Variants in RASAL1 observed in about 807,000 individuals in gnomAD.
RASAL1 encodes rasGAP-activating-like protein 1.
Under a neutral mutation model 96.6 loss-of-function variants are expected in RASAL1, and 72 were observed. The ratio of observed to expected loss-of-function variants is 0.75; its 90% CI spans 0.62 to 0.91. The LOEUF (loss-of-function observed/expected upper bound fraction) is 0.91. Among genes scored for constraint, RASAL1 ranks in the 40% least tolerant of loss-of-function variants. The probability of loss-of-function intolerance (pLI) is 0.00; values close to 1 mark genes in which losing one functional copy is unlikely to be tolerated. For synonymous variants in RASAL1, 405 were observed against 430.4 expected (o/e 0.94, Z 0.73); for missense variants, 1,016 against 1,072.5 (o/e 0.95, Z 0.74).
At chr12:113,116,957 G>A (rs1407257856) in intron 8 of RASAL1, 116 bp downstream of exon 8, 10 of 735,924 alleles carry the variant, frequency 1.4e-5, no homozygotes, top group Non-Finnish European at 2.1e-5. Flanking sequence ...TTAAATGGAT[G>A]AATGCATGAA....
At position 113,101,927 on chromosome 12, in the gene RASAL1, T is replaced by A. The variant is rs373647174; in HGVS notation, c.2187A>T (p.Thr729=). The A allele has an allele frequency of 6.8e-5, 109 of 1,613,948 alleles. No homozygotes were observed. Among genetic ancestry groups the A allele is most frequent in the Non-Finnish European group, 8.9e-5 (105 of 1,179,992 alleles). The stretch of plus-strand genomic sequence containing the variant: ...GCCCCAGGAGCAGCTGCCGATACAC[T>A]GTCTGGGCCTCAGCATCAGGATCCA... ...DPLDPDAEAQ[T]VYRQLLLGRD... The change falls in exon 19 of 21, where the codon ACA becomes ACT. Residue 729 remains threonine, a synonymous_variant. Transcript: ENST00000548055.
At chr12:113,118,654 G>T (rs865942818) in intron 7 of RASAL1, among the ~76,000 whole-genome samples, 4 of 152,158 alleles carry the variant, frequency 2.6e-5, no homozygotes, top group African/African-American at 9.7e-5. Flanking sequence ...AGTTAAGGGC[G>T]TTAAGTCTGG....
At chr12:113,101,565 C>T (rs985927998) in intron 19 of RASAL1, among the ~76,000 whole-genome samples, 1 of 152,156 alleles carries the variant, frequency 6.6e-6, no homozygotes, top group Non-Finnish European at 1.5e-5. Flanking sequence ...GATAGTGATC[C>T]TCATGCCAGG....
chr12:113,102,149 C>T (rs1950472170), intron 18 of RASAL1, 140 bp from the exon 19 acceptor site: 1 of 1,053,792 alleles, frequency 9.5e-7, no homozygotes, highest in Non-Finnish European at 1.4e-6. Context: ...CACACGGTGG[C>T]TCATGCCTGT....
rs910730024 is a variant in RASAL1, at chr12:113,130,729, C to T, written c.122+156G>A. On this transcript the variant is annotated intron_variant, in intron 2 of 20. Transcript: ENST00000548055. This position sits in a 1 kb window ranked among gnomAD's most constrained non-coding sequence, Gnocchi z 5.1. The stretch of plus-strand genomic sequence containing the variant: ...AGGCAGGGCTGGTCGGGGAGAGGAG[C>T]TGGCAGTCCCAGCTGGACACAAATC... Among the ~76,000 whole-genome samples the T allele has an allele frequency of 6.6e-6, 1 of 152,192 alleles. No individual in the cohort carries two copies. The highest frequency in any genetic ancestry group is 2.4e-5 in the African/African-American group (1 of 41,452).
intron 4 of RASAL1, among the ~76,000 whole-genome samples, chr12:113,123,310 T>A (rs944525215): frequency 1.3e-5 from 2 of 152,204 alleles, no homozygotes; most frequent in African/African-American, 4.8e-5. Context: ...TGTTTGCTGA[T>A]CTTTGATTGT....
intron 18 of RASAL1, among the ~76,000 whole-genome samples, chr12:113,103,293 AATAACAATGT>A (rs973757939): frequency 2.0e-5 from 3 of 151,342 alleles, no homozygotes; most frequent in Admixed American, 2.0e-4. Flanking sequence ...ATACATTGTT[AATAACAATGT>A]ATAACATTGT....
intron 18 of RASAL1, among the ~76,000 whole-genome samples, chr12:113,102,569 A>C (rs558936829): frequency 4.3e-4 from 65 of 152,066 alleles, no homozygotes; most frequent in African/African-American, 1.5e-3. Context: ...CACACACACA[A>C]AAATATTAGC....
rs1296148515 is a variant in RASAL1, at chr12:113,130,185, C to T, written c.122+700G>A. On this transcript the variant is annotated intron_variant, in intron 2 of 20. Transcript: ENST00000548055. The surrounding 1 kb of genome is among the most constrained non-coding windows in gnomAD (Gnocchi z 5.1). ...CAGGCCTCCAGGGGCTGAGAGCTGTCCCTCGGCCTGCGGGGGTGGGAGCCA... is the reference window on the plus strand; with the variant it reads ...CAGGCCTCCAGGGGCTGAGAGCTGTTCCTCGGCCTGCGGGGGTGGGAGCCA... Among the ~76,000 whole-genome samples the T allele has an allele frequency of 6.6e-6, 1 of 152,184 alleles. No homozygotes were observed. Among genetic ancestry groups the T allele is most frequent in the Non-Finnish European group, 1.5e-5 (1 of 68,014 alleles).
intron 7 of RASAL1, among the ~76,000 whole-genome samples, chr12:113,118,272 C>T (rs968540461): frequency 2.6e-5 from 4 of 152,102 alleles, no homozygotes; most frequent in African/African-American, 7.2e-5. Context: ...CTACAGCATA[C>T]AGTATGTCAT....
rs377439712 is a variant in RASAL1, at chr12:113,101,966, G to A, written c.2148C>T (p.Asp716=). The A allele has an allele frequency of 2.5e-6, 4 of 1,614,036 alleles. No homozygotes were observed. The highest frequency in any genetic ancestry group is 3.4e-6 in the Non-Finnish European group (4 of 1,180,022). The change falls in exon 19 of 21, where the codon GAC becomes GAT. Residue 716 remains aspartate, a synonymous_variant. Transcript: ENST00000548055. ...SRTHSAVTLG[D]WSDPLDPDAE... ...CATCAGGATCCAGTGGGTCACTCCA[G>A]TCCCCCAGGGTGACAGCTGAGTGTG... is the stretch of plus-strand genomic sequence containing the variant.
At chr12:113,100,095 G>A (rs1306110398) in intron 20 of RASAL1, 27 bp from the exon 21 acceptor site, 9 of 1,567,528 alleles carry the variant, frequency 5.7e-6, no homozygotes, top group Non-Finnish European at 6.1e-6. Flanking sequence ...AGGCCACAGG[G>A]GCTCAGCCAG....
rs921717009 is a variant in RASAL1 at position 113,128,038 on chromosome 12, C to T, written c.236+27G>A. 15 of 1,608,556 alleles carry T rather than the reference C, an allele frequency of 9.3e-6. No individual in the cohort carries two copies. In the African/African-American group the frequency reaches 1.9e-4, roughly 20 times the overall value. On this transcript the variant is annotated intron_variant, in intron 3 of 20. Coordinates refer to ENST00000548055, the MANE Select transcript of RASAL1 (RefSeq NM_001301202.2). ...TGCCCAGGCTTGGGTCCCTAACCCACACATTCCACTTTCCCCAACCACAAA... is the reference window on the plus strand; with the variant it reads ...TGCCCAGGCTTGGGTCCCTAACCCATACATTCCACTTTCCCCAACCACAAA...
At chr12:113,118,553 CTATCTT>C (rs1951171913) in intron 7 of RASAL1, among the ~76,000 whole-genome samples, 1 of 152,178 alleles carries the variant, frequency 6.6e-6, no homozygotes, top group Non-Finnish European at 1.5e-5. Context: ...TAGAGTAACT[CTATCTT>C]TAACTATTTG....
At position 113,100,628 on chromosome 12, in the gene RASAL1, C is replaced by T; in HGVS notation, c.2278G>A (p.Gly760Arg). The change falls in exon 20 of 21, where the codon GGG becomes AGG. Residue 760 changes from glycine to arginine, a missense_variant and splice_region_variant. Gly to Arg is a moderately radical substitution (Grantham distance 125, BLOSUM62 -2). Transcript: ENST00000548055. ...CCTTCTGAGGTACAGGAGCCCTTAC[C>T]TGTGTCTGCCTCCAGAGTTGTATCC... is the stretch of plus-strand genomic sequence containing the variant. Reference protein sequence around the residue: ...NMDTTLEADTGACPEVLARQR... With the variant: ...NMDTTLEADTRACPEVLARQR... 1 of 1,608,834 alleles carries T rather than the reference C, an allele frequency of 6.2e-7. No homozygotes were observed. The highest frequency in any genetic ancestry group is 8.5e-7 in the Non-Finnish European group (1 of 1,175,820).
chr12:113,106,134 G>A (rs1396745400), intron 15 of RASAL1, among the ~76,000 whole-genome samples: 2 of 152,182 alleles, frequency 1.3e-5, no homozygotes, highest in East Asian at 1.9e-4. Context: ...TCTGCAGACA[G>A]TATGCAGGCA....
rs918744250 is a variant in RASAL1, at chr12:113,135,657, G to T, written c.-195C>A. The stretch of plus-strand genomic sequence containing the variant: ...GTAGGTGCCCGGGGAGGGAGCGCCC[G>T]TCCGGACTCTACAGGTAGGAGCCGT... On this transcript the variant is annotated 5_prime_UTR_variant, in exon 1 of 21. Coordinates refer to ENST00000548055, the MANE Select transcript of RASAL1 (RefSeq NM_001301202.2). This position sits in a 1 kb window ranked among gnomAD's most constrained non-coding sequence, Gnocchi z 5.7. The T allele has an allele frequency of 2.6e-5, 15 of 579,214 alleles. No individual in the cohort carries two copies. Among genetic ancestry groups the T allele is most frequent in the African/African-American group, 2.4e-4 (13 of 53,252 alleles). The allele number at this position is 579,214 out of a possible 1,614,324, so 35.9% of individuals were successfully genotyped here. A position where few individuals can be genotyped will look rare whatever the true frequency, so the allele number is the denominator to read the frequency against.
rs1951298351 is a variant in RASAL1 at position 113,121,619 on chromosome 12, G to A, written c.318C>T (p.Asn106=). The A allele has an allele frequency of 6.2e-7, 1 of 1,614,094 alleles. No individual in the cohort carries two copies. The highest frequency in any genetic ancestry group is 1.7e-5 in the Admixed American group (1 of 60,006). ...ADPRGIDSWI[N]LSRVDPDAEV... is the part of the protein sequence containing the mutation. ...CTGCATCTGGGTCCACTCGGCTCAA[G>A]TTAATCCAGCTGTCAATCCCTGAAG... The change falls in exon 5 of 21, where the codon AAC becomes AAT. Residue 106 remains asparagine (N), a synonymous_variant. Transcript: ENST00000548055.
At chr12:113,116,725 G>C (rs1239165841) in intron 8 of RASAL1, among the ~76,000 whole-genome samples, 1 of 152,202 alleles carries the variant, frequency 6.6e-6, no homozygotes, top group Non-Finnish European at 1.5e-5. Context: ...AGTATAAACA[G>C]GTGTGAAATG....
Sources: allele counts gnomAD v4.1 joint callset (sites outside exome capture counted in the v4.1 genomes callset), GRCh38; gene constraint gnomAD v4.1.1; non-coding constraint Gnocchi (gnomAD v3.1); transcripts MANE v1.5; gene names NCBI Gene and HGNC (gene_info 2026-07-23, HGNC 2026-07-21).